The following PIK3C2G variants were observed in gnomAD, a reference collection of about 807,000 sequenced individuals.
PIK3C2G encodes the protein phosphatidylinositol 3-kinase C2 domain-containing subunit gamma.
A neutral mutation model predicts 181.1 loss-of-function variants in PIK3C2G; 168 were observed. The ratio of observed to expected loss-of-function variants is 0.93; its 90% CI spans 0.82 to 1.05. The LOEUF (loss-of-function observed/expected upper bound fraction) is 1.05, where lower values mean the gene tolerates loss of function less well. PIK3C2G is among the 50% of genes least tolerant of loss of function. The probability of loss-of-function intolerance (pLI) is 0.00; values close to 1 mark genes in which losing one functional copy is unlikely to be tolerated. For missense variants in PIK3C2G, 1,869 were observed against 1,732.8 expected, an observed-to-expected ratio of 1.08 and a Z score of -1.40; for synonymous variants, 573 against 592.2, an observed-to-expected ratio of 0.97 and a Z score of 0.47.
intron 21 of PIK3C2G, among the ~76,000 whole-genome samples, chr12:18,496,572 G>A (rs559428596): frequency 6.6e-6 from 1 of 151,834 alleles, no homozygotes; most frequent in South Asian, 2.1e-4. Flanking sequence ...AGTAATTTGA[G>A]TTTTTTTTAA....
At chr12:18,548,333 A>G (rs1376964349) in intron 26 of PIK3C2G, among the ~76,000 whole-genome samples, 2 of 152,016 alleles carry the variant, frequency 1.3e-5, no homozygotes, top group East Asian at 3.9e-4. Context: ...GGGCAGAACA[A>G]TTATAGTGCT....
At chr12:18,441,423 T>A (rs193278049) in intron 18 of PIK3C2G, among the ~76,000 whole-genome samples, 2 of 152,188 alleles carry the variant, frequency 1.3e-5, no homozygotes. Context: ...TAGGAAAAAT[T>A]GCTTTTTAAA....
At chr12:18,262,512 A>G (rs1317709574) in intron 1 of PIK3C2G, among the ~76,000 whole-genome samples, 2 of 151,672 alleles carry the variant, frequency 1.3e-5, no homozygotes, top group Admixed American at 6.6e-5. Context: ...TTTATTCTCC[A>G]CGCATGTCTA....
intron 28 of PIK3C2G, among the ~76,000 whole-genome samples, chr12:18,565,501 T>C (rs1213963055): frequency 2.0e-5 from 3 of 152,134 alleles, no homozygotes; most frequent in Non-Finnish European, 4.4e-5. Flanking sequence ...ATCAAAATAT[T>C]GGTGTTGGTA....
chr12:18,506,066 CTGGAG>C (rs996388507), intron 24 of PIK3C2G, among the ~76,000 whole-genome samples: 4 of 152,060 alleles, frequency 2.6e-5, no homozygotes, highest in African/African-American at 9.7e-5. Context: ...TAGAAAGTAA[CTGGAG>C]TGGGGATACT....
Position 18,346,681 on chromosome 12 carries a change from C to T in PIK3C2G, c.1470C>T (p.Ile490=), listed in dbSNP as rs375476647. The change falls in exon 11 of 33, where the codon ATC becomes ATT. Residue 490 remains isoleucine (I), a synonymous_variant. Coordinates refer to ENST00000538779, the MANE Select transcript of PIK3C2G (RefSeq NM_001288772.2). The stretch of plus-strand genomic sequence containing the variant: ...TAACAACTGAACTATCCACATCCAT[C>T]TACCAGCTAATCAATGTCTACTGTA... ...EKVTTELSTS[I]YQLINVYCNS... is the part of the protein sequence containing the mutation. The T allele has an allele frequency of 6.8e-6, 11 of 1,613,048 alleles. No individual in the cohort carries two copies. Among genetic ancestry groups the T allele is most frequent in the African/African-American group, 1.3e-5 (1 of 74,886 alleles).
the PIK3C2G span, among the ~76,000 whole-genome samples, chr12:18,682,195 A>T: frequency 6.6e-6 from 1 of 152,118 alleles, no homozygotes; most frequent in African/African-American, 2.4e-5. Context: ...TTGAATTCTC[A>T]GTGATACGTT....
intron 8 of PIK3C2G, among the ~76,000 whole-genome samples, chr12:18,325,801 G>T (rs1488088780): frequency 6.6e-6 from 1 of 151,926 alleles, no homozygotes; most frequent in Admixed American, 6.6e-5. Flanking sequence ...GCTGCAGTTA[G>T]TGTTCAAAGT....
At chr12:18,285,002 C>T (rs1949382338) in intron 2 of PIK3C2G, among the ~76,000 whole-genome samples, 1 of 152,030 alleles carries the variant, frequency 6.6e-6, no homozygotes, top group Non-Finnish European at 1.5e-5. Context: ...TAGAAAATAT[C>T]AAATTACAGA....
intron 32 of PIK3C2G, among the ~76,000 whole-genome samples, chr12:18,641,188 A>T (rs1949820771): frequency 6.6e-6 from 1 of 151,844 alleles, no homozygotes; most frequent in Non-Finnish European, 1.5e-5. Context: ...AAAAACAAAA[A>T]CTCCCCAACT....
chr12:18,495,637 C>T (rs1353418155), intron 20 of PIK3C2G, among the ~76,000 whole-genome samples: 3 of 151,990 alleles, frequency 2.0e-5, no homozygotes, highest in Non-Finnish European at 4.4e-5. Flanking sequence ...TCTTAACTTT[C>T]TATCTATTTT....
At chr12:18,366,937 T>A (rs930685722) in intron 12 of PIK3C2G, among the ~76,000 whole-genome samples, 1 of 152,164 alleles carries the variant, frequency 6.6e-6, no homozygotes, top group Admixed American at 6.5e-5. Context: ...GAAGCACTTA[T>A]TCTTATCCTA....
At chr12:18,601,801 A>C (rs1191834896) in intron 30 of PIK3C2G, among the ~76,000 whole-genome samples, 3 of 152,182 alleles carry the variant, frequency 2.0e-5, no homozygotes, top group African/African-American at 7.2e-5. Context: ...CAGAAGCATC[A>C]CATGACCTGA....
intron 22 of PIK3C2G, among the ~76,000 whole-genome samples, chr12:18,500,783 T>C (rs1395097814): frequency 6.6e-6 from 1 of 152,128 alleles, no homozygotes; most frequent in African/African-American, 2.4e-5. Context: ...TCAGGTCCCC[T>C]TCCACACTGT....
At chr12:18,692,627 A>G in the PIK3C2G span, 3 of 584,698 alleles carry the variant, frequency 5.1e-6, no homozygotes, top group East Asian at 5.9e-5. Flanking sequence ...GTCAACCGCA[A>G]TGGGGCAGGA....
At chr12:18,637,690 G>T (rs1332632379) in intron 31 of PIK3C2G, among the ~76,000 whole-genome samples, 2 of 152,232 alleles carry the variant, frequency 1.3e-5, no homozygotes, top group African/African-American at 4.8e-5. Flanking sequence ...CTACAGAGAA[G>T]AGTGATCACA....
intron 5 of PIK3C2G, among the ~76,000 whole-genome samples, chr12:18,301,655 A>G (rs943638138): frequency 1.3e-5 from 2 of 151,444 alleles, no homozygotes; most frequent in Non-Finnish European, 2.9e-5. Flanking sequence ...GTTCTCTTGT[A>G]TCTCACTGAG....
At chr12:18,597,167 T>C (rs1947410310) in intron 30 of PIK3C2G, among the ~76,000 whole-genome samples, 2 of 151,912 alleles carry the variant, frequency 1.3e-5, no homozygotes, top group South Asian at 2.1e-4. Context: ...ATATCTGTGT[T>C]AGGGAAACAC....
At position 18,401,384 on chromosome 12, in the gene PIK3C2G, T is replaced by A. The variant is rs535693455; in HGVS notation, c.2315+1537T>A. 2.7e-4 allele frequency among the ~76,000 whole-genome samples: 41 copies of A among 152,196 alleles called. No homozygotes were observed. In the South Asian group the frequency reaches 8.1e-3, roughly 30 times the overall value. On this transcript the variant is annotated intron_variant, in intron 16 of 32. Transcript: ENST00000538779. ...CATCATGCTAGTGTTTAAAGATCCT[T>A]TTGGAAAAAAGGTCTCATTCCCAAC...
Sources: allele counts gnomAD v4.1 joint callset (sites outside exome capture counted in the v4.1 genomes callset), GRCh38; gene constraint gnomAD v4.1.1; transcripts MANE v1.5; gene names NCBI Gene and HGNC (gene_info 2026-07-23, HGNC 2026-07-21).